ARHGAP39: variants seen among roughly 807,000 people sequenced by gnomAD.
ARHGAP39 encodes Rho GTPase activating protein 39, also known as rho GTPase-activating protein 39.
In ARHGAP39, 44 loss-of-function variants were observed where a neutral mutation model predicts 106.9. The observed-to-expected ratio is 0.41, with a 90% CI of 0.32 to 0.53. ARHGAP39 has a LOEUF of 0.53. Ranked by LOEUF, ARHGAP39 falls within the 20% of genes least tolerant of loss-of-function variation. ARHGAP39 has a pLI of 0.21. For missense variants in ARHGAP39, 1,496 were observed against 1,577.3 expected (o/e 0.95, Z 0.87); for synonymous variants, 768 against 693.2 (o/e 1.11, Z -1.69).
chr8:144,659,740 T>C (rs1482334277), intron 1 of ARHGAP39, among the ~76,000 whole-genome samples: 1 of 152,220 alleles, frequency 6.6e-6, no homozygotes, highest in Non-Finnish European at 1.5e-5. Context: ...ACATGCTCTC[T>C]GCAGAGCTAA....
At chr8:144,596,609 C>A (rs1490733679) in intron 2 of ARHGAP39, among the ~76,000 whole-genome samples, 1 of 152,200 alleles carries the variant, frequency 6.6e-6, no homozygotes, top group Non-Finnish European at 1.5e-5. Context: ...CAGAGGAAGC[C>A]CTGCAACGGT....
chr8:144,572,642 T>G (rs1818625885), intron 3 of ARHGAP39, among the ~76,000 whole-genome samples: 1 of 152,078 alleles, frequency 6.6e-6, no homozygotes, highest in East Asian at 1.9e-4. Flanking sequence ...CTAATTAAAC[T>G]AAAGAGCTTC....
chr8:144,599,295 C>A (rs906677170), intron 2 of ARHGAP39, among the ~76,000 whole-genome samples: 6 of 152,120 alleles, frequency 3.9e-5, no homozygotes, highest in Admixed American at 2.0e-4. Flanking sequence ...GGCACACACA[C>A]AATAGAGGCC....
rs1055387825 is a variant in ARHGAP39, at chr8:144,585,101, G to A, written c.81-3824C>T. 1.3e-5 allele frequency among the ~76,000 whole-genome samples: 2 copies of A among 152,126 alleles called. No individual in the cohort carries two copies. The highest frequency in any genetic ancestry group is 4.8e-5 in the African/African-American group (2 of 41,434). On this transcript the variant is annotated intron_variant, in intron 2 of 11. Transcript: ENST00000377307. This position sits in a 1 kb window ranked among gnomAD's most constrained non-coding sequence, Gnocchi z 4.6. ...TCTCCCTCCACTCGTCCAGGTGTCT[G>A]AAGGGCTTAGACGCCCTCTCCCGAT... is the stretch of plus-strand genomic sequence containing the variant.
chr8:144,634,206 C>T (rs1490886074), intron 1 of ARHGAP39, among the ~76,000 whole-genome samples: 2 of 119,446 alleles, frequency 1.7e-5, no homozygotes, highest in East Asian at 2.6e-4. Context: ...CCTCTGCAGG[C>T]GCAGTCTCCA....
At chr8:144,602,914 T>TGC (rs1820105466) in intron 2 of ARHGAP39, among the ~76,000 whole-genome samples, 1 of 128,980 alleles carries the variant, frequency 7.8e-6, no homozygotes, top group Admixed American at 7.9e-5. Flanking sequence ...TGTGTGTGTG[T>TGC]GCGTGGAGGC....
chr8:144,658,589 T>A (rs1270091833), intron 1 of ARHGAP39, among the ~76,000 whole-genome samples: 1 of 152,184 alleles, frequency 6.6e-6, no homozygotes, highest in Non-Finnish European at 1.5e-5. Context: ...CAGCATTTTT[T>A]AATCAGGGAC....
At chr8:144,690,863 G>A in the ARHGAP39 span, among the ~76,000 whole-genome samples, 1 of 139,866 alleles carries the variant, frequency 7.1e-6, no homozygotes, top group Non-Finnish European at 1.5e-5. Flanking sequence ...TCGTCATGTT[G>A]CCTAAGCTGG....
chr8:144,568,221 C>A (rs1356144632), intron 3 of ARHGAP39, among the ~76,000 whole-genome samples: 5 of 149,298 alleles, frequency 3.3e-5, no homozygotes, highest in Admixed American at 2.7e-4. Context: ...GTAGTCCCAG[C>A]TACTTGGGAG....
chr8:144,532,548 G>T (rs1048523860), intron 9 of ARHGAP39, 152 bp from the exon 10 acceptor site: 4 of 653,104 alleles, frequency 6.1e-6, no homozygotes, highest in South Asian at 1.9e-5. Context: ...TCTTTCCCAC[G>T]AACGTGGGTG....
At chr8:144,580,716 C>T in intron 3 of ARHGAP39, 130 bp downstream of exon 3, 1 of 1,206,870 alleles carries the variant, frequency 8.3e-7, no homozygotes, top group Admixed American at 3.0e-5. Context: ...CTACTCCTAA[C>T]CTGGCCCCGC....
At chr8:144,669,741 A>T (rs1822055225) in intron 1 of ARHGAP39, among the ~76,000 whole-genome samples, 1 of 152,200 alleles carries the variant, frequency 6.6e-6, no homozygotes, top group African/African-American at 2.4e-5. Context: ...AAGATGATGG[A>T]CAAATGGTCA....
chr8:144,657,301 A>G (rs753722299), intron 1 of ARHGAP39, among the ~76,000 whole-genome samples: 2 of 152,164 alleles, frequency 1.3e-5, no homozygotes, highest in African/African-American at 2.4e-5. Context: ...AAGAGGAAAG[A>G]AAGAAAAAAT....
In ARHGAP39 at chr8:144,547,363, T is replaced by A; in HGVS notation, c.1723A>T (p.Ser575Cys). 1.9e-6 allele frequency: 3 copies of A among 1,601,554 alleles called. No homozygotes were observed. The highest frequency in any genetic ancestry group is 2.5e-6 in the Non-Finnish European group (3 of 1,178,112). Residue 575 changes from serine to cysteine, a missense_variant, in exon 5 of 12, where the codon AGC (serine) becomes TGC (cysteine). Ser to Cys is a moderately radical substitution (Grantham distance 112). Coordinates refer to ENST00000377307, the MANE Select transcript of ARHGAP39 (RefSeq NM_025251.3). This position sits in a 1 kb window ranked among gnomAD's most constrained non-coding sequence, Gnocchi z 5.2. ...GAGCCGTCCTGCTGGGAGTCCCAGC[T>A]GCTCCTCTGCTTCATGTGGAAGTGG... is the stretch of plus-strand genomic sequence containing the variant. The part of the protein sequence containing the change: ...QAHFHMKQRS[S>C]WDSQQDGSGY...
At chr8:144,675,059 C>T (rs1020623846) in intron 1 of ARHGAP39, among the ~76,000 whole-genome samples, 6 of 152,072 alleles carry the variant, frequency 3.9e-5, no homozygotes, top group Admixed American at 6.6e-5. Context: ...GAGGGCCAGG[C>T]TCCCACCCCT....
chr8:144,636,312 T>G (rs1028038597), intron 1 of ARHGAP39, among the ~76,000 whole-genome samples: 6 of 152,160 alleles, frequency 3.9e-5, no homozygotes, highest in Non-Finnish European at 2.9e-5. Flanking sequence ...CTAATGTTAG[T>G]GGAGGATTAG....
chr8:144,579,874 T>C (rs2130897844), intron 3 of ARHGAP39, among the ~76,000 whole-genome samples: 1 of 152,054 alleles, frequency 6.6e-6, no homozygotes, highest in East Asian at 1.9e-4. Context: ...GGGTCCAGCC[T>C]CTCCTCCATC....
intron 1 of ARHGAP39, among the ~76,000 whole-genome samples, chr8:144,616,470 G>A (rs117769222): frequency 0.02 from 3,025 of 152,334 alleles, 72 homozygotes; most frequent in Admixed American, 0.064. Context: ...ACCCCTCCTC[G>A]GAGCCTGCTT....
At position 144,529,307 on chromosome 8, in the gene ARHGAP39, G is replaced by C. The variant is rs1040298125; in HGVS notation, c.*1115C>G. ...CGACTGAGGACGCCGCCCAGGCCTC[G>C]GCAGGGCTGGGGCTTTTGTTTTTAA... On this transcript the variant is annotated 3_prime_UTR_variant, in exon 12 of 12. Transcript: ENST00000377307. The C allele has an allele frequency of 2.1e-5, 4 of 186,598 alleles. No homozygotes were observed. Among genetic ancestry groups the C allele is most frequent in the African/African-American group, 9.4e-5 (4 of 42,580 alleles). 11.6% of individuals were successfully genotyped at this position (186,598 alleles called of 1,614,324 possible). A position where few individuals can be genotyped will look rare whatever the true frequency, so the allele number is the denominator to read the frequency against.
Sources: gnomAD v4.1 joint callset for allele counts (sites outside exome capture counted in the v4.1 genomes callset) on GRCh38, gnomAD v4.1.1 for gene constraint, Gnocchi (gnomAD v3.1) non-coding constraint, MANE v1.5 for transcripts, NCBI Gene and HGNC (gene_info 2026-07-23, HGNC 2026-07-21) for gene names.